Variants in ITCH observed in about 807,000 individuals in gnomAD.
ITCH encodes the protein itchy E3 ubiquitin protein ligase.
ITCH carries 28 observed loss-of-function variants against 126.8 expected under a neutral mutation model. The observed-to-expected ratio is 0.22, with a 90% CI of 0.16 to 0.30. The LOEUF (loss-of-function observed/expected upper bound fraction) is 0.30, where lower values mean the gene tolerates loss of function less well. ITCH is among the 10% of genes least tolerant of loss of function. ITCH has a pLI of 1.00. For missense variants in ITCH, 631 were observed against 1,032.4 expected, an observed-to-expected ratio of 0.61 and a Z score of 5.33; for synonymous variants, 342 against 340.0, an observed-to-expected ratio of 1.01 and a Z score of -0.06.
At chr20:34,469,987 C>T (rs1987463518) in intron 14 of ITCH, 61 bp from the exon 15 acceptor site, 6 of 1,375,568 alleles carry the variant, frequency 4.4e-6, no homozygotes, top group Non-Finnish European at 5.2e-6. Flanking sequence ...ATTTTGCTTT[C>T]CTTCAGCATT....
chr20:34,405,622 A>G (rs996000130), intron 3 of ITCH, among the ~76,000 whole-genome samples: 1 of 152,180 alleles, frequency 6.6e-6, no homozygotes, highest in Non-Finnish European at 1.5e-5. Flanking sequence ...GTGCCACAAG[A>G]GGCCCTGAAA....
At chr20:34,430,136 C>CAGTT (rs1982088138) in intron 7 of ITCH, among the ~76,000 whole-genome samples, 1 of 152,194 alleles carries the variant, frequency 6.6e-6, no homozygotes, top group Non-Finnish European at 1.5e-5. Context: ...ATTCTTCCTT[C>CAGTT]AGTTAGTCCT....
rs1452147186 is a variant in ITCH at position 34,510,075 on chromosome 20, A to G, written c.*2281A>G. 6.6e-6 allele frequency: 1 copy of G among 152,574 alleles called. No individual in the cohort carries two copies. Among genetic ancestry groups the G allele is most frequent in the Non-Finnish European group, 1.5e-5 (1 of 68,026 alleles). 9.5% of individuals were successfully genotyped at this position (152,574 alleles called of 1,614,324 possible). A position where few individuals can be genotyped will look rare whatever the true frequency, so the allele number is the denominator to read the frequency against. ...GGCCCTAGTTCTATAGGGCTTGGCTATTTAATATTTTTATGGAAGAAGTGT... is the reference window on the plus strand; with the variant it reads ...GGCCCTAGTTCTATAGGGCTTGGCTGTTTAATATTTTTATGGAAGAAGTGT... On this transcript the variant is annotated 3_prime_UTR_variant, in exon 25 of 25. Coordinates refer to ENST00000374864, the MANE Select transcript of ITCH (RefSeq NM_031483.7).
intron 2 of ITCH, among the ~76,000 whole-genome samples, chr20:34,385,221 G>GTGT (rs1555851587): frequency 3.3e-5 from 1 of 30,116 alleles, no homozygotes; most frequent in Non-Finnish European, 6.5e-5. Context: ...GTGTGTGTGT[G>GTGT]GTTTTTTTTT....
At chr20:34,453,129 TC>T (rs1309913789) in intron 12 of ITCH, among the ~76,000 whole-genome samples, 2 of 152,234 alleles carry the variant, frequency 1.3e-5, no homozygotes, top group Admixed American at 1.3e-4. Context: ...AAGTCAGAAA[TC>T]CGTTCTACAG....
At chr20:34,417,350 A>T in intron 6 of ITCH, 1 of 278,764 alleles carries the variant, frequency 3.6e-6, no homozygotes, top group Non-Finnish European at 6.6e-6. Context: ...GCCTGCCTCG[A>T]CCTCCCAAAG....
intron 1 of ITCH, among the ~76,000 whole-genome samples, chr20:34,366,871 C>T (rs1356358443): frequency 6.6e-6 from 1 of 152,096 alleles, no homozygotes; most frequent in Admixed American, 6.6e-5. Context: ...GAGGGACTAG[C>T]TATTGCAGAA....
At chr20:34,389,087 G>A (rs1171265359) in intron 2 of ITCH, among the ~76,000 whole-genome samples, 1 of 152,146 alleles carries the variant, frequency 6.6e-6, no homozygotes, top group Non-Finnish European at 1.5e-5. Flanking sequence ...TGGAACCTGC[G>A]TATGTGAAAA....
intron 24 of ITCH, among the ~76,000 whole-genome samples, chr20:34,506,471 G>A (rs189795843): frequency 2.0e-5 from 3 of 152,344 alleles, no homozygotes; most frequent in Admixed American, 2.0e-4. Flanking sequence ...TAAGTGGAGG[G>A]TGAATGAGCA....
At chr20:34,372,461 A>G (rs1226722086) in intron 2 of ITCH, among the ~76,000 whole-genome samples, 2 of 134,436 alleles carry the variant, frequency 1.5e-5, no homozygotes, top group African/African-American at 3.0e-5. Context: ...GCTCACTGCA[A>G]CCTCCGCCTC....
intron 5 of ITCH, 130 bp from the exon 6 acceptor site, chr20:34,413,612 T>TA (rs1278417001): frequency 2.5e-6 from 2 of 815,332 alleles, no homozygotes; most frequent in Admixed American, 6.2e-5. Context: ...GAAACATAGT[T>TA]AAACAGTTTA....
At chr20:34,441,829 A>C (rs376416281) in intron 9 of ITCH, 3 of 253,138 alleles carry the variant, frequency 1.2e-5, no homozygotes, top group South Asian at 9.5e-5. Context: ...CAAGTAATCC[A>C]CCCGTCTCAG....
intron 3 of ITCH, among the ~76,000 whole-genome samples, chr20:34,406,227 C>G (rs890694843): frequency 1.3e-5 from 2 of 151,922 alleles, no homozygotes; most frequent in African/African-American, 4.8e-5. Flanking sequence ...GGGGGTCTCA[C>G]TATGTTGACC....
intron 14 of ITCH, among the ~76,000 whole-genome samples, chr20:34,463,214 T>A (rs1037656255): frequency 5.3e-5 from 8 of 152,058 alleles, no homozygotes; most frequent in Admixed American, 5.2e-4. Flanking sequence ...AATACAAAAA[T>A]TAGCTGGGCA....
At chr20:34,481,880 A>T (rs1210965048) in intron 20 of ITCH, among the ~76,000 whole-genome samples, 1 of 152,118 alleles carries the variant, frequency 6.6e-6, no homozygotes, top group South Asian at 2.1e-4. Flanking sequence ...GTGTGGTGGC[A>T]TGTGCCTGTA....
chr20:34,469,183 CA>C (rs1280027165), intron 14 of ITCH, among the ~76,000 whole-genome samples: 48 of 152,094 alleles, frequency 3.2e-4, no homozygotes, highest in Admixed American at 8.5e-4. Flanking sequence ...CTATCAGGGT[CA>C]CACTCCAGGC....
intron 14 of ITCH, among the ~76,000 whole-genome samples, chr20:34,466,583 T>G (rs911080153): frequency 1.3e-5 from 2 of 152,170 alleles, no homozygotes; most frequent in Admixed American, 1.3e-4. Context: ...ACAATAAGTT[T>G]GGGTGCATAT....
At chr20:34,475,925 C>T in intron 16 of ITCH, 1 of 1,259,608 alleles carries the variant, frequency 7.9e-7, no homozygotes, top group Non-Finnish European at 1.2e-6. Context: ...TGTTCTAGTT[C>T]AGGAGGTCTT....
At chr20:34,468,706 G>T (rs1031065977) in intron 14 of ITCH, among the ~76,000 whole-genome samples, 1 of 151,530 alleles carries the variant, frequency 6.6e-6, no homozygotes, top group Non-Finnish European at 1.5e-5. Flanking sequence ...CAGGAGAATC[G>T]CTTGAACCTC....
Sources: allele counts gnomAD v4.1 joint callset (sites outside exome capture counted in the v4.1 genomes callset), GRCh38; gene constraint gnomAD v4.1.1; transcripts MANE v1.5; gene names NCBI Gene and HGNC (gene_info 2026-07-23, HGNC 2026-07-21).